The following ZFAND3 variants were observed in gnomAD, a reference collection of about 807,000 sequenced individuals.
The protein encoded by ZFAND3 is zinc finger AN1-type containing 3.
ZFAND3 carries 10 observed loss-of-function variants against 29.6 expected under a neutral mutation model. That is an observed-to-expected ratio of 0.34 (90% CI 0.21 to 0.57). ZFAND3 has a LOEUF of 0.57. ZFAND3 is among the 20% of genes least tolerant of loss of function. The pLI, the probability that ZFAND3 is intolerant of heterozygous loss-of-function variation, is 0.86. For missense variants in ZFAND3, 230 were observed against 304.5 expected (o/e 0.76, Z 1.82); for synonymous variants, 128 against 112.6 (o/e 1.14, Z -0.87).
chr6:38,091,691 C>CTT (rs34406765), intron 4 of ZFAND3, among the ~76,000 whole-genome samples: 5,415 of 129,750 alleles, frequency 0.042, 380 homozygotes, highest in African/African-American at 0.14. Flanking sequence ...ATTAAGGAGC[C>CTT]TTTTTTTTTT....
At chr6:38,121,696 C>T (rs947795216) in intron 5 of ZFAND3, among the ~76,000 whole-genome samples, 33 of 152,152 alleles carry the variant, frequency 2.2e-4, no homozygotes, top group Non-Finnish European at 4.3e-4. Flanking sequence ...ACCCAGACTA[C>T]TACATAAATA....
At chr6:37,932,270 AAAAT>A (rs1554159701) in intron 2 of ZFAND3, among the ~76,000 whole-genome samples, 15 of 151,878 alleles carry the variant, frequency 9.9e-5, no homozygotes, top group Admixed American at 7.9e-4. Context: ...CAAAAAAAAA[AAAAT>A]AAATAAATAA....
chr6:37,995,535 T>G (rs2127437213), intron 2 of ZFAND3, among the ~76,000 whole-genome samples: 1 of 151,716 alleles, frequency 6.6e-6, no homozygotes, highest in Middle Eastern at 3.4e-3. Flanking sequence ...TTCACCATGT[T>G]GTTGGAAAAT....
chr6:37,914,733 C>G (rs1761206786), intron 1 of ZFAND3, among the ~76,000 whole-genome samples: 1 of 137,426 alleles, frequency 7.3e-6, no homozygotes. Context: ...GATCTCCTGA[C>G]CTCGTGATCT....
At chr6:38,081,912 G>A (rs756674806) in intron 3 of ZFAND3, among the ~76,000 whole-genome samples, 6 of 152,014 alleles carry the variant, frequency 3.9e-5, no homozygotes, top group Non-Finnish European at 7.4e-5. Context: ...CTTCTGACAA[G>A]CAGTTTATTG....
At chr6:37,828,771 C>T (rs529912596) in intron 1 of ZFAND3, among the ~76,000 whole-genome samples, 1 of 152,172 alleles carries the variant, frequency 6.6e-6, no homozygotes, top group African/African-American at 2.4e-5. Context: ...CTGCCTCAGC[C>T]TCCCGAGTAG....
chr6:38,060,912 CAT>C (rs1396570855), intron 2 of ZFAND3, among the ~76,000 whole-genome samples: 1 of 152,056 alleles, frequency 6.6e-6, no homozygotes, highest in Non-Finnish European at 1.5e-5. Context: ...GTAGGCCTTC[CAT>C]ATATGATTTT....
At chr6:38,010,638 C>G (rs559823669) in intron 2 of ZFAND3, among the ~76,000 whole-genome samples, 3 of 149,240 alleles carry the variant, frequency 2.0e-5, no homozygotes, top group South Asian at 4.3e-4. Context: ...CTTGCTCTGT[C>G]ACCCAGGCTG....
At chr6:37,862,938 G>A (rs1375746833) in intron 1 of ZFAND3, among the ~76,000 whole-genome samples, 10 of 149,690 alleles carry the variant, frequency 6.7e-5, no homozygotes, top group Admixed American at 6.7e-4. Flanking sequence ...ATGAAGCCTT[G>A]TCTAACTAAA....
At chr6:38,003,656 G>A (rs1310883370) in intron 2 of ZFAND3, 1 of 332,650 alleles carries the variant, frequency 3.0e-6, no homozygotes, top group East Asian at 1.0e-4. Flanking sequence ...GCACCACCAC[G>A]ACCAGCTAAT....
chr6:38,102,492 A>G (rs1765114427), intron 4 of ZFAND3, among the ~76,000 whole-genome samples: 1 of 152,156 alleles, frequency 6.6e-6, no homozygotes, highest in Admixed American at 6.5e-5. Flanking sequence ...ACTCAGGGCC[A>G]GATTAGGTTA....
intron 1 of ZFAND3, among the ~76,000 whole-genome samples, chr6:37,847,351 G>A (rs567544981): frequency 8.5e-4 from 130 of 152,142 alleles, no homozygotes; most frequent in African/African-American, 2.6e-3. Flanking sequence ...TGAGGGGGGC[G>A]GATCACGAGG....
chr6:37,992,622 C>A (rs949666163), intron 2 of ZFAND3, among the ~76,000 whole-genome samples: 2 of 152,040 alleles, frequency 1.3e-5, no homozygotes, highest in Non-Finnish European at 2.9e-5. Context: ...TTTTACATTG[C>A]CACAATATTA....
intron 1 of ZFAND3, among the ~76,000 whole-genome samples, chr6:37,917,162 A>C (rs935901331): frequency 1.3e-5 from 2 of 152,232 alleles, no homozygotes; most frequent in Admixed American, 6.5e-5. Flanking sequence ...GTTCAGTACT[A>C]TCCATGATTT....
chr6:37,907,536 C>T (rs1765431215), intron 1 of ZFAND3, among the ~76,000 whole-genome samples: 1 of 152,124 alleles, frequency 6.6e-6, no homozygotes, highest in Non-Finnish European at 1.5e-5. Context: ...TGTGGTTCAT[C>T]TGTGTTGTCG....
At chr6:37,975,197 A>AT (rs1187911302) in intron 2 of ZFAND3, among the ~76,000 whole-genome samples, 3 of 152,088 alleles carry the variant, frequency 2.0e-5, no homozygotes, top group Non-Finnish European at 2.9e-5. Flanking sequence ...GTGTGTACTG[A>AT]TTCCTCATTA....
chr6:38,062,618 C>G (rs1333777570), intron 3 of ZFAND3: 1 of 152,134 alleles, frequency 6.6e-6, no homozygotes, highest in Admixed American at 6.5e-5. Context: ...ATGATCTAAC[C>G]ACCTTGGTCT....
At chr6:37,859,146 T>C (rs1764435297) in intron 1 of ZFAND3, among the ~76,000 whole-genome samples, 1 of 152,240 alleles carries the variant, frequency 6.6e-6, no homozygotes, top group South Asian at 2.1e-4. Context: ...TTGTTAGCTT[T>C]GTTGCCTTGA....
At chr6:37,866,356 T>C (rs747083267) in intron 1 of ZFAND3, among the ~76,000 whole-genome samples, 7 of 152,224 alleles carry the variant, frequency 4.6e-5, no homozygotes, top group Non-Finnish European at 4.4e-5. Flanking sequence ...CTATATATAG[T>C]TTGCCCAATG....
Sources: gnomAD v4.1 joint callset for allele counts (sites outside exome capture counted in the v4.1 genomes callset) on GRCh38, gnomAD v4.1.1 for gene constraint, MANE v1.5 for transcripts, NCBI Gene and HGNC (gene_info 2026-07-23, HGNC 2026-07-21) for gene names.